HDAC9: variants seen among roughly 807,000 people sequenced by gnomAD.
HDAC9 encodes MEF-2 interacting transcription repressor (MITR) protein.
HDAC9 carries 41 observed loss-of-function variants against 139.4 expected under a neutral mutation model. The observed-to-expected ratio is 0.29, with a 90% CI of 0.23 to 0.38. The LOEUF is 0.38. HDAC9 is among the 10% of genes least tolerant of loss of function. The pLI is 1.00. For missense variants in HDAC9, 1,147 were observed against 1,297.0 expected (o/e 0.88, Z 1.78); for synonymous variants, 517 against 476.2 (o/e 1.09, Z -1.12).
intron 8 of HDAC9, among the ~76,000 whole-genome samples, chr7:18,640,731 AGC>A (rs1472643530): frequency 2.0e-5 from 3 of 152,004 alleles, no homozygotes; most frequent in African/African-American, 7.2e-5. Flanking sequence ...TTTATCACTA[AGC>A]CTGTGTTTTT....
chr7:18,828,581 C>T (rs1251018983), intron 17 of HDAC9, among the ~76,000 whole-genome samples: 4 of 152,174 alleles, frequency 2.6e-5, no homozygotes, highest in Admixed American at 2.0e-4. Context: ...TGGCGGTCAT[C>T]CAAGCTAAAT....
intron 6 of HDAC9, among the ~76,000 whole-genome samples, chr7:18,602,830 T>C (rs1334887020): frequency 6.6e-6 from 1 of 152,104 alleles, no homozygotes; most frequent in African/African-American, 2.4e-5. Flanking sequence ...TGTGTACACA[T>C]TCTGTTCCTT....
At chr7:18,818,876 G>C (rs1471523862) in intron 17 of HDAC9, among the ~76,000 whole-genome samples, 1 of 152,074 alleles carries the variant, frequency 6.6e-6, no homozygotes, top group Non-Finnish European at 1.5e-5. Flanking sequence ...GTTGCCCATG[G>C]GACAATCTTA....
At chr7:18,396,819 T>A (rs1335650860) in intron 1 of HDAC9, among the ~76,000 whole-genome samples, 13 of 152,198 alleles carry the variant, frequency 8.5e-5, no homozygotes, top group African/African-American at 3.1e-4. Context: ...TTCTCCTGAT[T>A]CCTTGTTGCC....
At chr7:18,403,648 G>A (rs529562956) in intron 1 of HDAC9, among the ~76,000 whole-genome samples, 1 of 152,284 alleles carries the variant, frequency 6.6e-6, no homozygotes, top group African/African-American at 2.4e-5. Flanking sequence ...TGAACCCTAG[G>A]TAGGCTTGGC....
intron 16 of HDAC9, among the ~76,000 whole-genome samples, chr7:18,786,616 TCC>T (rs1313343664): frequency 2.1e-5 from 1 of 48,502 alleles, no homozygotes; most frequent in South Asian, 1.1e-3. Flanking sequence ...CTTCCTTCCT[TCC>T]CTCCCTCCCT....
At chr7:18,960,195 T>A (rs1236901071) in intron 24 of HDAC9, among the ~76,000 whole-genome samples, 3 of 152,170 alleles carry the variant, frequency 2.0e-5, no homozygotes, top group African/African-American at 7.2e-5. Flanking sequence ...GTTATCTCCA[T>A]GGTTCCATAC....
intron 2 of HDAC9, among the ~76,000 whole-genome samples, chr7:18,581,354 A>G (rs909080594): frequency 2.0e-5 from 3 of 152,108 alleles, no homozygotes; most frequent in African/African-American, 4.8e-5. Flanking sequence ...GTGATTTTTC[A>G]CAATTTAGTG....
At chr7:18,847,117 G>C (rs927296767) in intron 21 of HDAC9, among the ~76,000 whole-genome samples, 1 of 152,124 alleles carries the variant, frequency 6.6e-6, no homozygotes, top group Non-Finnish European at 1.5e-5. Flanking sequence ...TACTACACAG[G>C]AAAGGGGCCA....
chr7:18,662,667 T>C (rs1001596215), intron 11 of HDAC9, among the ~76,000 whole-genome samples: 2 of 152,032 alleles, frequency 1.3e-5, no homozygotes, highest in African/African-American at 4.8e-5. Context: ...GTTTCTCTTC[T>C]GATGCTTCCA....
Position 18,423,799 on chromosome 7 carries a change from G to A in HDAC9, c.-41-72463G>A, listed in dbSNP as rs527604188. On this transcript the variant is annotated intron_variant, in intron 1 of 3. Coordinates refer to the HDAC9 transcript ENST00000413509. ...GATCTGTTTAAAGGCTTGGCTCAGA[G>A]TGGGCACAGTACCACTTATATTGCA... 6.6e-5 allele frequency among the ~76,000 whole-genome samples: 10 copies of A among 152,308 alleles called. No individual in the cohort carries two copies. In the South Asian group the frequency reaches 2.1e-3, roughly 32 times the overall value.
chr7:18,195,118 A>C (rs1201426693), intron 2 of HDAC9, among the ~76,000 whole-genome samples: 1 of 152,172 alleles, frequency 6.6e-6, no homozygotes. Flanking sequence ...CTTATTCTCT[A>C]TCTGAAACAA....
intron 1 of HDAC9, among the ~76,000 whole-genome samples, chr7:18,473,621 G>T (rs766894222): frequency 2.0e-5 from 3 of 152,196 alleles, no homozygotes; most frequent in Admixed American, 1.3e-4. Flanking sequence ...TTAAGGTAAA[G>T]ATAAAAGACA....
At chr7:18,828,712 A>G (rs925808997) in intron 17 of HDAC9, among the ~76,000 whole-genome samples, 5 of 152,162 alleles carry the variant, frequency 3.3e-5, no homozygotes, top group African/African-American at 1.2e-4. Context: ...TGGAGTGTAA[A>G]TAACCATCAA....
chr7:18,500,072 G>C (rs1193756811), intron 2 of HDAC9, among the ~76,000 whole-genome samples: 1 of 152,028 alleles, frequency 6.6e-6, no homozygotes, highest in Non-Finnish European at 1.5e-5. Context: ...TAGATGATAG[G>C]TATCAATCAG....
chr7:18,767,219 T>C (rs1321102934), intron 16 of HDAC9, 64 bp downstream of exon 16: 1 of 942,946 alleles, frequency 1.1e-6, no homozygotes, highest in Admixed American at 2.8e-5. Flanking sequence ...TCTTTTTTGA[T>C]TTATCTATTC....
At chr7:18,642,760 G>A (rs763218907) in intron 8 of HDAC9, among the ~76,000 whole-genome samples, 45 of 151,990 alleles carry the variant, frequency 3.0e-4, no homozygotes, top group Non-Finnish European at 3.1e-4. Context: ...CCATTATTAC[G>A]TCTGAGAAGA....
At chr7:18,845,258 T>C (rs1585141839) in intron 21 of HDAC9, among the ~76,000 whole-genome samples, 2 of 152,116 alleles carry the variant, frequency 1.3e-5, no homozygotes, top group Non-Finnish European at 2.9e-5. Context: ...CAAATTAATA[T>C]TATTTTGTCT....
chr7:18,579,452 G>C (rs1827085856), intron 2 of HDAC9, among the ~76,000 whole-genome samples: 1 of 152,198 alleles, frequency 6.6e-6, no homozygotes, highest in Non-Finnish European at 1.5e-5. Context: ...TTCCCATGGA[G>C]TTAGCATGCC....
Sources: allele counts gnomAD v4.1 joint callset (sites outside exome capture counted in the v4.1 genomes callset), GRCh38; gene constraint gnomAD v4.1.1; transcripts MANE v1.5; gene names NCBI Gene and HGNC (gene_info 2026-07-23, HGNC 2026-07-21).